SGCZ: variants seen among roughly 807,000 people sequenced by gnomAD.
SGCZ encodes the protein sarcoglycan zeta.
A neutral mutation model predicts 41.3 loss-of-function variants in SGCZ; 40 were observed. The ratio of observed to expected loss-of-function variants is 0.97; its 90% CI spans 0.75 to 1.26. The LOEUF is 1.26. Ranked by LOEUF, SGCZ falls within the 50% of genes most tolerant of loss-of-function variation. The pLI, the probability that SGCZ is intolerant of heterozygous loss-of-function variation, is 0.00. For missense variants in SGCZ, 552 were observed against 369.8 expected (o/e 1.49, Z -4.04); for synonymous variants, 206 against 137.5 (o/e 1.50, Z -3.49).
intron 1 of SGCZ, among the ~76,000 whole-genome samples, chr8:14,822,105 C>CACACAT (rs1383383216): frequency 6.6e-6 from 1 of 151,794 alleles, no homozygotes; most frequent in African/African-American, 2.4e-5. Flanking sequence ...CACACACACA[C>CACACAT]ACACGGTTAG....
chr8:14,258,054 G>C (rs1273355784), intron 3 of SGCZ, among the ~76,000 whole-genome samples: 3 of 152,000 alleles, frequency 2.0e-5, no homozygotes. Flanking sequence ...GATTGAACTT[G>C]GACTTTTAAT....
intron 4 of SGCZ, among the ~76,000 whole-genome samples, chr8:14,178,155 T>C (rs948108169): frequency 6.6e-6 from 1 of 151,724 alleles, no homozygotes; most frequent in Non-Finnish European, 1.5e-5. Flanking sequence ...GGTTTCACCA[T>C]GTTGGCCAGG....
intron 4 of SGCZ, among the ~76,000 whole-genome samples, chr8:14,225,608 G>C (rs967067639): frequency 6.6e-6 from 1 of 152,078 alleles, no homozygotes; most frequent in Non-Finnish European, 1.5e-5. Flanking sequence ...CAGAGGGATA[G>C]ATTTGGGTGT....
chr8:14,676,225 A>T (rs1808272768), intron 1 of SGCZ, among the ~76,000 whole-genome samples: 1 of 152,174 alleles, frequency 6.6e-6, no homozygotes, highest in African/African-American at 2.4e-5. Context: ...CAATGCCAGA[A>T]CTTTTGGAGG....
intron 4 of SGCZ, chr8:14,164,915 G>A (rs1249693611): frequency 2.0e-6 from 1 of 509,676 alleles, no homozygotes; most frequent in East Asian, 3.6e-5. Flanking sequence ...GCATACAGGT[G>A]ACCTCTGGAT....
chr8:14,740,271 CTTCAACTTGCTAA>C (rs1161860314), intron 1 of SGCZ, among the ~76,000 whole-genome samples: 1 of 151,934 alleles, frequency 6.6e-6, no homozygotes, highest in Admixed American at 6.6e-5. Context: ...AGTTGGAATC[CTTCAACTTGCTAA>C]TTCCAGGGAA....
intron 2 of SGCZ, among the ~76,000 whole-genome samples, chr8:14,404,916 T>A (rs773035764): frequency 8.5e-5 from 13 of 152,166 alleles, no homozygotes; most frequent in Non-Finnish European, 1.9e-4. Context: ...TGTCTCTTCT[T>A]TCGTTCCCTG....
chr8:14,130,526 G>T (rs566211262), intron 5 of SGCZ, among the ~76,000 whole-genome samples: 3 of 152,270 alleles, frequency 2.0e-5, no homozygotes, highest in Non-Finnish European at 4.4e-5. Context: ...AGCAGTTTTT[G>T]ACTAGACTGC....
chr8:14,394,144 T>C (rs1226656581), intron 2 of SGCZ, among the ~76,000 whole-genome samples: 57 of 44,982 alleles, frequency 1.3e-3, no homozygotes, highest in African/African-American at 7.2e-3. Context: ...GCCCCCCACC[T>C]TTTTTTTTTT....
At chr8:14,247,541 A>G (rs777480765) in intron 3 of SGCZ, among the ~76,000 whole-genome samples, 12 of 152,214 alleles carry the variant, frequency 7.9e-5, no homozygotes, top group Non-Finnish European at 1.3e-4. Flanking sequence ...AAAAGGGAAT[A>G]GTACTATCTC....
intron 3 of SGCZ, among the ~76,000 whole-genome samples, chr8:14,296,255 C>G (rs1801009133): frequency 6.6e-6 from 1 of 152,104 alleles, no homozygotes; most frequent in South Asian, 2.1e-4. Flanking sequence ...TCACAGTACT[C>G]TGAATGTATG....
Position 14,802,372 on chromosome 8 carries a change from T to A in SGCZ, c.40-247446A>T, listed in dbSNP as rs143638181. ...TGTGTTCTTAACAAAAGAAAACAGC[T>A]GCCTGGATAATTCTAGCATTTTGGT... On this transcript the variant is annotated intron_variant, in intron 1 of 7. Transcript: ENST00000382080. Among the ~76,000 whole-genome samples, 33 of 152,362 alleles carry A rather than the reference T, an allele frequency of 2.2e-4. No individual in the cohort carries two copies. In the East Asian group the frequency reaches 5.2e-3, roughly 24 times the overall value.
At chr8:14,130,265 C>G (rs1334301402) in intron 5 of SGCZ, among the ~76,000 whole-genome samples, 3 of 150,950 alleles carry the variant, frequency 2.0e-5, no homozygotes, top group African/African-American at 7.3e-5. Context: ...AAATAAGAAT[C>G]TTGGTAGAAG....
chr8:14,466,212 T>G (rs1184862012), intron 2 of SGCZ, among the ~76,000 whole-genome samples: 1 of 152,014 alleles, frequency 6.6e-6, no homozygotes, highest in African/African-American at 2.4e-5. Context: ...AATTTCTCCT[T>G]GACTATCAAT....
intron 1 of SGCZ, among the ~76,000 whole-genome samples, chr8:15,042,241 C>T (rs1328629487): frequency 2.0e-5 from 3 of 152,032 alleles, no homozygotes; most frequent in Admixed American, 6.5e-5. Context: ...GTGATCGAAC[C>T]CACCAATGGA....
At chr8:14,606,952 G>A (rs999449805) in intron 1 of SGCZ, among the ~76,000 whole-genome samples, 1 of 152,142 alleles carries the variant, frequency 6.6e-6, no homozygotes, top group African/African-American at 2.4e-5. Context: ...TTCACTGTGT[G>A]AGGCTAATGT....
intron 2 of SGCZ, among the ~76,000 whole-genome samples, chr8:14,362,332 C>A (rs962361550): frequency 2.0e-5 from 3 of 152,184 alleles, no homozygotes; most frequent in African/African-American, 7.2e-5. Flanking sequence ...GGGGCTCTGC[C>A]CAGTTCGAGC....
chr8:14,426,208 G>A (rs546948769), intron 2 of SGCZ, among the ~76,000 whole-genome samples: 1 of 152,144 alleles, frequency 6.6e-6, no homozygotes, highest in East Asian at 1.9e-4. Flanking sequence ...AGTAAATGGA[G>A]ACATACTATA....
chr8:14,529,463 G>T (rs1005974317), intron 2 of SGCZ, among the ~76,000 whole-genome samples: 1 of 152,120 alleles, frequency 6.6e-6, no homozygotes, highest in Non-Finnish European at 1.5e-5. Flanking sequence ...TCCCCATGAA[G>T]CTTTCTTTGC....
Sources: allele counts gnomAD v4.1 joint callset (sites outside exome capture counted in the v4.1 genomes callset), GRCh38; gene constraint gnomAD v4.1.1; transcripts MANE v1.5; gene names NCBI Gene and HGNC (gene_info 2026-07-23, HGNC 2026-07-21).